Variants in DNAH11 observed in about 807,000 individuals in gnomAD.
DNAH11 encodes axonemal beta dynein heavy chain 11.
DNAH11 carries 442 observed loss-of-function variants against 526.0 expected under a neutral mutation model. The observed-to-expected ratio is 0.84, with a 90% CI of 0.78 to 0.91. The LOEUF is 0.91. Ranked by LOEUF, DNAH11 falls within the 40% of genes least tolerant of loss-of-function variation. The pLI, the probability that DNAH11 is intolerant of heterozygous loss-of-function variation, is 0.00. For missense variants in DNAH11, 6,989 were observed against 5,448.7 expected (o/e 1.28, Z -8.90); for synonymous variants, 2,461 against 1,935.9 (o/e 1.27, Z -7.12).
At chr7:21,628,164 T>G (rs1056730628) in intron 25 of DNAH11, among the ~76,000 whole-genome samples, 6 of 152,140 alleles carry the variant, frequency 3.9e-5, no homozygotes, top group Non-Finnish European at 8.8e-5. Context: ...GTAAACTTGT[T>G]TATCAGTTCT....
At position 21,565,510 on chromosome 7, in the gene DNAH11, G is replaced by C. The variant is rs1381851614; in HGVS notation, c.1194+1113G>C. Among the ~76,000 whole-genome samples, 3 of 152,190 alleles carry C rather than the reference G, an allele frequency of 2.0e-5. No homozygotes were observed. In the South Asian group the frequency reaches 6.2e-4, roughly 32 times the overall value. ...GAAAGCCAGACCAAAGAACAGGTCT[G>C]CAGACTTGCAGCTTAGAATTTTTGG... On this transcript the variant is annotated intron_variant, in intron 6 of 81. Transcript: ENST00000409508.
At chr7:21,693,291 G>T (rs1249093754) in intron 35 of DNAH11, among the ~76,000 whole-genome samples, 3 of 152,168 alleles carry the variant, frequency 2.0e-5, no homozygotes, top group Non-Finnish European at 2.9e-5. Flanking sequence ...ATGCTAAACA[G>T]TCCTTCGGTG....
At chr7:21,714,758 C>T (rs1367501838) in intron 42 of DNAH11, among the ~76,000 whole-genome samples, 1 of 151,852 alleles carries the variant, frequency 6.6e-6, no homozygotes, top group Non-Finnish European at 1.5e-5. Context: ...CATTTACTTT[C>T]TCTCTCTCTC....
chr7:21,894,323 C>T (rs1343427691), intron 77 of DNAH11, among the ~76,000 whole-genome samples: 1 of 152,182 alleles, frequency 6.6e-6, no homozygotes, highest in East Asian at 1.9e-4. Context: ...CAGTTCTATA[C>T]TCCCTAAATG....
At chr7:21,812,817 G>T (rs1276599425) in intron 63 of DNAH11, among the ~76,000 whole-genome samples, 1 of 152,184 alleles carries the variant, frequency 6.6e-6, no homozygotes, top group Non-Finnish European at 1.5e-5. Context: ...ATTGATGCCT[G>T]TTGATGCTGA....
At chr7:21,735,102 C>T (rs146712548) in intron 45 of DNAH11, among the ~76,000 whole-genome samples, 139 of 152,096 alleles carry the variant, frequency 9.1e-4, no homozygotes, top group African/African-American at 2.9e-3. Flanking sequence ...CTCAGGAAGT[C>T]GAGGCTGCAG....
At chr7:21,566,916 ATTATT>A (rs1415174369) in intron 6 of DNAH11, among the ~76,000 whole-genome samples, 1 of 152,174 alleles carries the variant, frequency 6.6e-6, no homozygotes, top group Non-Finnish European at 1.5e-5. Context: ...TTCTTGAAAG[ATTATT>A]TTGTTATTGC....
chr7:21,788,073 T>C (rs957642008), intron 60 of DNAH11, among the ~76,000 whole-genome samples: 3 of 152,336 alleles, frequency 2.0e-5, no homozygotes, highest in African/African-American at 7.2e-5. Flanking sequence ...ATTTGTACTT[T>C]TCGGCAGTGT....
intron 2 of DNAH11, among the ~76,000 whole-genome samples, chr7:21,547,246 C>T (rs922808130): frequency 2.0e-5 from 3 of 152,130 alleles, no homozygotes; most frequent in African/African-American, 4.8e-5. Flanking sequence ...CTCAGAATTT[C>T]GTAGTGTTTT....
At chr7:21,800,418 GA>G (rs1376805993) in intron 61 of DNAH11, among the ~76,000 whole-genome samples, 1 of 152,116 alleles carries the variant, frequency 6.6e-6, no homozygotes, top group Non-Finnish European at 1.5e-5. Context: ...GATCACTTGA[GA>G]CCAGGAGTTC....
intron 69 of DNAH11, 99 bp downstream of exon 69, chr7:21,862,122 C>CTTT (rs35912578): frequency 2.2e-3 from 1,959 of 891,392 alleles, no homozygotes; most frequent in Non-Finnish European, 2.6e-3. Flanking sequence ...ATATAATAGA[C>CTTT]TTTTTTTTTT....
chr7:21,840,735 A>G (rs1782175339), intron 65 of DNAH11, among the ~76,000 whole-genome samples: 1 of 152,242 alleles, frequency 6.6e-6, no homozygotes, highest in African/African-American at 2.4e-5. Context: ...AAAAAATAAC[A>G]TGAATTAAGC....
At chr7:21,848,590 C>T (rs1002782159) in intron 66 of DNAH11, among the ~76,000 whole-genome samples, 2 of 151,800 alleles carry the variant, frequency 1.3e-5, no homozygotes, top group Non-Finnish European at 2.9e-5. Context: ...TGTCTTCTTT[C>T]TTAGCTATAT....
At chr7:21,898,199 C>CTGCCTTTGCTTTTCTCATT (rs1784596532) in intron 79 of DNAH11, among the ~76,000 whole-genome samples, 1 of 152,176 alleles carries the variant, frequency 6.6e-6, no homozygotes. Context: ...AAATGTCTTC[C>CTGCCTTTGCTTTTCTCATT]TGCCTTTGCT....
At chr7:21,645,993 TAAGAG>T (rs1158696055) in intron 28 of DNAH11, among the ~76,000 whole-genome samples, 1 of 152,122 alleles carries the variant, frequency 6.6e-6, no homozygotes, top group Non-Finnish European at 1.5e-5. Flanking sequence ...AAGATGCTCT[TAAGAG>T]AATAACAATG....
intron 46 of DNAH11, 60 bp downstream of exon 46, chr7:21,735,904 T>C (rs1425244462): frequency 2.0e-6 from 3 of 1,483,148 alleles, no homozygotes; most frequent in African/African-American, 2.8e-5. Flanking sequence ...GGCGGGCACA[T>C]GCAGCCCAAA....
At chr7:21,690,147 G>A (rs1244431755) in intron 34 of DNAH11, among the ~76,000 whole-genome samples, 1 of 152,112 alleles carries the variant, frequency 6.6e-6, no homozygotes, top group African/African-American at 2.4e-5. Flanking sequence ...AATCCAATAA[G>A]GTTGGTAATA....
intron 40 of DNAH11, among the ~76,000 whole-genome samples, chr7:21,708,487 T>C (rs1159858749): frequency 6.6e-6 from 1 of 152,220 alleles, no homozygotes; most frequent in Non-Finnish European, 1.5e-5. Flanking sequence ...CCTGCTGGTT[T>C]CCCTGCAGTT....
At chr7:21,869,083 C>A (rs1014171897) in intron 73 of DNAH11, 92 bp downstream of exon 73, 13 of 1,553,802 alleles carry the variant, frequency 8.4e-6, no homozygotes, top group Admixed American at 4.0e-5. Flanking sequence ...TCCCTTAACA[C>A]CGCTGTGCAT....
Sources: allele counts gnomAD v4.1 joint callset (sites outside exome capture counted in the v4.1 genomes callset), GRCh38; gene constraint gnomAD v4.1.1; transcripts MANE v1.5; gene names NCBI Gene and HGNC (gene_info 2026-07-23, HGNC 2026-07-21).